Variants in CNTN4 observed in about 807,000 individuals in gnomAD.
The protein encoded by CNTN4 is contactin 4.
Under a neutral mutation model 122.5 loss-of-function variants are expected in CNTN4, and 77 were observed. The ratio of observed to expected loss-of-function variants is 0.63; its 90% confidence interval spans 0.52 to 0.76. The LOEUF (loss-of-function observed/expected upper bound fraction) is 0.76, where lower values mean the gene tolerates loss of function less well. CNTN4 is among the 30% of genes least tolerant of loss of function. The pLI, the probability that CNTN4 is intolerant of heterozygous loss-of-function variation, is 0.00. For missense variants in CNTN4, 1,256 were observed against 1,259.1 expected (o/e 1.00, Z 0.04); for synonymous variants, 512 against 447.0 (o/e 1.15, Z -1.83).
chr3:2,320,050 A>G (rs17786795), intron 2 of CNTN4, among the ~76,000 whole-genome samples: 18,858 of 152,238 alleles, frequency 0.12, 1,429 homozygotes, highest in Non-Finnish European at 0.17. Context: ...TGGAGAATCA[A>G]AGGAGAAAGT....
At chr3:3,047,985 T>C (rs7373276) in intron 23 of CNTN4, among the ~76,000 whole-genome samples, 38,546 of 151,958 alleles carry the variant, frequency 0.25, 5,094 homozygotes, top group Middle Eastern at 0.35. Flanking sequence ...TTAGACCAGA[T>C]GGTAGGAAAG....
At chr3:2,789,342 T>C (rs78818932) in intron 6 of CNTN4, among the ~76,000 whole-genome samples, 1 of 152,340 alleles carries the variant, frequency 6.6e-6, no homozygotes, top group East Asian at 1.9e-4. Flanking sequence ...TGGAATTATG[T>C]TTAGTTATTA....
chr3:2,271,495 G>A (rs141471348), intron 2 of CNTN4, among the ~76,000 whole-genome samples: 5 of 152,122 alleles, frequency 3.3e-5, no homozygotes, highest in South Asian at 2.1e-4. Context: ...TTGTTAAATA[G>A]GGATAATAAT....
intron 3 of CNTN4, among the ~76,000 whole-genome samples, chr3:2,466,426 A>G (rs1222262838): frequency 3.3e-5 from 5 of 152,238 alleles, no homozygotes; most frequent in Non-Finnish European, 7.3e-5. Flanking sequence ...TAATAAGATT[A>G]GAACCCTTCA....
chr3:2,489,570 G>A (rs1249435262), intron 3 of CNTN4, among the ~76,000 whole-genome samples: 2 of 152,194 alleles, frequency 1.3e-5, no homozygotes, highest in Non-Finnish European at 2.9e-5. Context: ...AGTTTGAAGA[G>A]TAACTTCCTA....
chr3:2,627,751 C>A (rs921766937), intron 4 of CNTN4, among the ~76,000 whole-genome samples: 3 of 152,080 alleles, frequency 2.0e-5, no homozygotes, highest in Non-Finnish European at 4.4e-5. Context: ...CCTCGGCCTC[C>A]CAAAGTGCTG....
Position 2,673,679 on chromosome 3 carries a change from T to TAC in CNTN4, c.56-62534_56-62533dup, listed in dbSNP as rs1454425783. On this transcript the variant is annotated intron_variant, in intron 4 of 24. Coordinates refer to ENST00000418658, the MANE Select transcript of CNTN4 (RefSeq NM_175607.3). ...CCTCAGCCTCCCAAGTAGCTGGGAC[T>TAC]ACAGGTGCCCACCACCACGCCCGGC... 9.9e-5 allele frequency among the ~76,000 whole-genome samples: 15 copies of TAC among 152,284 alleles called. No individual in the cohort carries two copies. In the East Asian group the frequency reaches 2.9e-3, roughly 29 times the overall value.
chr3:2,588,501 G>C (rs2080312170), intron 4 of CNTN4, among the ~76,000 whole-genome samples: 1 of 151,968 alleles, frequency 6.6e-6, no homozygotes, highest in African/African-American at 2.4e-5. Flanking sequence ...AAGTAGCTGG[G>C]ATTATAGGCT....
At chr3:2,934,256 G>C (rs1283004723) in intron 13 of CNTN4, among the ~76,000 whole-genome samples, 1 of 152,212 alleles carries the variant, frequency 6.6e-6, no homozygotes, top group Non-Finnish European at 1.5e-5. Flanking sequence ...GACCCCTGCA[G>C]TGTAATCAGA....
intron 4 of CNTN4, among the ~76,000 whole-genome samples, chr3:2,627,490 CT>C (rs869106549): frequency 0.06 from 7,003 of 116,122 alleles, 81 homozygotes; most frequent in Middle Eastern, 0.093. Context: ...CATTAAGTGT[CT>C]TTTTTTTTTT....
chr3:2,538,097 T>C (rs1458397828), intron 3 of CNTN4, among the ~76,000 whole-genome samples: 1 of 152,110 alleles, frequency 6.6e-6, no homozygotes, highest in Non-Finnish European at 1.5e-5. Context: ...TAATGTCATA[T>C]GACTGGTGTC....
chr3:2,276,338 A>AT lies in CNTN4; in HGVS notation c.-144-62833dup, dbSNP rs1321884322. Among the ~76,000 whole-genome samples the AT allele has an allele frequency of 2.6e-5, 4 of 151,796 alleles. No individual in the cohort carries two copies. The South Asian group carries it at 6.2e-4, about 24-fold the overall frequency. ...CAGGTGCAAGCCACTGTGCTCAGCT[A>AT]TTTTTTTGTATTTTTAGCAGAGAGA... On this transcript the variant is annotated intron_variant, in intron 2 of 24. Coordinates refer to ENST00000418658, the MANE Select transcript of CNTN4 (RefSeq NM_175607.3).
intron 7 of CNTN4, among the ~76,000 whole-genome samples, chr3:2,848,649 G>C (rs1053527743): frequency 5.9e-5 from 9 of 152,208 alleles, no homozygotes; most frequent in Admixed American, 5.2e-4. Context: ...GATAGTGTTA[G>C]GATCTCTCTA....
Position 2,819,480 on chromosome 3 carries a change from C to A in CNTN4, c.359-6C>A. On this transcript the variant is annotated splice_region_variant and splice_polypyrimidine_tract_variant and intron_variant, in intron 6 of 24. Transcript: ENST00000418658. ...TAAATGCTTTTTCCCATATTTCTCC[C>A]AACAGATCTTGACAACTTTAAAACA... 2 of 1,609,792 alleles carry A rather than the reference C, an allele frequency of 1.2e-6. No homozygotes were observed. The highest frequency in any genetic ancestry group is 1.7e-6 in the Non-Finnish European group (2 of 1,176,080).
chr3:2,624,454 C>G (rs2082106060), intron 4 of CNTN4, among the ~76,000 whole-genome samples: 1 of 151,952 alleles, frequency 6.6e-6, no homozygotes, highest in South Asian at 2.1e-4. Context: ...AATTTGGGGA[C>G]TAATGCCTTA....
At position 3,016,921 on chromosome 3, in the gene CNTN4, G is replaced by A. The variant is rs560909242; in HGVS notation, c.1487-9181G>A. On this transcript the variant is annotated intron_variant, in intron 14 of 24. Transcript: ENST00000418658. ...CAAGGCTCCAGTTTGTGCTCACGCC[G>A]ACTGGGGTCAAAATTTGCCTTGTGT... Among the ~76,000 whole-genome samples the A allele has an allele frequency of 6.2e-4, 94 of 152,234 alleles. 1 individual carries two copies. Among genetic ancestry groups the A allele is most frequent in the Non-Finnish European group, 9.9e-4 (67 of 68,012 alleles).
chr3:2,274,755 G>A (rs1038967072), intron 2 of CNTN4, among the ~76,000 whole-genome samples: 3 of 152,176 alleles, frequency 2.0e-5, no homozygotes, highest in African/African-American at 7.2e-5. Context: ...CAGGAATTCT[G>A]TACATAAATA....
chr3:2,492,448 G>C (rs900945164), intron 3 of CNTN4, among the ~76,000 whole-genome samples: 1 of 152,118 alleles, frequency 6.6e-6, no homozygotes, highest in Non-Finnish European at 1.5e-5. Flanking sequence ...CTCTAATTCA[G>C]GTCTGCGAGG....
At chr3:2,493,196 T>A (rs1443153706) in intron 3 of CNTN4, among the ~76,000 whole-genome samples, 1 of 152,132 alleles carries the variant, frequency 6.6e-6, no homozygotes, top group Non-Finnish European at 1.5e-5. Context: ...ATAAAGTTGC[T>A]GTCCATACTC....
Sources: gnomAD v4.1 joint callset for allele counts (sites outside exome capture counted in the v4.1 genomes callset) on GRCh38, gnomAD v4.1.1 for gene constraint, MANE v1.5 for transcripts, NCBI Gene and HGNC (gene_info 2026-07-23, HGNC 2026-07-21) for gene names.